MEIS2: variants seen among roughly 807,000 people sequenced by gnomAD.
MEIS2 encodes the protein homeobox protein Meis2.
MEIS2 carries 9 observed loss-of-function variants against 58.6 expected under a neutral mutation model. That is an observed-to-expected ratio of 0.15 (90% confidence interval 0.09 to 0.27). The LOEUF (loss-of-function observed/expected upper bound fraction) is 0.27, where lower values mean the gene tolerates loss of function less well. Ranked by LOEUF, MEIS2 falls within the 10% of genes least tolerant of loss-of-function variation. The pLI, the probability that MEIS2 is intolerant of heterozygous loss-of-function variation, is 1.00. For synonymous variants in MEIS2, 221 were observed against 228.4 expected, an observed-to-expected ratio of 0.97 and a Z score of 0.29; for missense variants, 427 against 635.0, an observed-to-expected ratio of 0.67 and a Z score of 3.52.
chr15:37,043,697 T>G (rs1447669968), intron 7 of MEIS2, among the ~76,000 whole-genome samples: 2 of 147,384 alleles, frequency 1.4e-5, no homozygotes, highest in Non-Finnish European at 3.0e-5. Context: ...TTTTTTTTTT[T>G]TTTTTGAGAT....
chr15:37,026,628 C>T (rs551590239), intron 8 of MEIS2, among the ~76,000 whole-genome samples: 12 of 151,972 alleles, frequency 7.9e-5, no homozygotes, highest in African/African-American at 1.9e-4. Context: ...GCAGATTTGG[C>T]GGGGGGAGAG....
At chr15:37,039,942 A>G (rs1239786849) in intron 7 of MEIS2, among the ~76,000 whole-genome samples, 2 of 152,232 alleles carry the variant, frequency 1.3e-5, no homozygotes, top group African/African-American at 4.8e-5. Flanking sequence ...ACAGAGAACT[A>G]ACAACAGCAT....
chr15:37,024,539 G>C (rs1328143403), intron 8 of MEIS2, among the ~76,000 whole-genome samples: 1 of 152,174 alleles, frequency 6.6e-6, no homozygotes. Context: ...TATACCTTTA[G>C]AAGCTTTCCT....
chr15:37,008,741 G>T (rs1033982056), intron 8 of MEIS2, among the ~76,000 whole-genome samples: 1 of 152,076 alleles, frequency 6.6e-6, no homozygotes, highest in Non-Finnish European at 1.5e-5. Flanking sequence ...TATTGATTTG[G>T]GGGGAAAAAG....
intron 9 of MEIS2, among the ~76,000 whole-genome samples, chr15:36,907,273 A>G (rs938784546): frequency 6.6e-6 from 1 of 152,198 alleles, no homozygotes; most frequent in Admixed American, 6.5e-5. Context: ...TCCTCCTTTC[A>G]AACCATATTT....
intron 9 of MEIS2, among the ~76,000 whole-genome samples, chr15:36,929,220 G>A (rs1376313976): frequency 6.6e-6 from 1 of 152,120 alleles, no homozygotes; most frequent in Admixed American, 6.6e-5. Flanking sequence ...ACTTACATGT[G>A]TCTCATTCTT....
chr15:37,075,584 A>C (rs1021217995), intron 7 of MEIS2, among the ~76,000 whole-genome samples: 3 of 152,136 alleles, frequency 2.0e-5, no homozygotes, highest in Non-Finnish European at 2.9e-5. Flanking sequence ...AGGAAAAAAG[A>C]AAAATCTGTG....
chr15:36,973,877 T>A (rs1222138445), intron 8 of MEIS2, among the ~76,000 whole-genome samples: 1 of 152,208 alleles, frequency 6.6e-6, no homozygotes, highest in African/African-American at 2.4e-5. Flanking sequence ...AAAATTAACC[T>A]TATGATATTT....
chr15:37,098,226 G>C, intron 1 of MEIS2, 27 bp from the exon 2 acceptor site: 1 of 1,561,250 alleles, frequency 6.4e-7, no homozygotes, highest in Non-Finnish European at 8.7e-7. Flanking sequence ...AGGGGGAGGG[G>C]GCGCAGGAGG....
chr15:36,941,288 T>C (rs1480833131), intron 9 of MEIS2, among the ~76,000 whole-genome samples: 1 of 152,200 alleles, frequency 6.6e-6, no homozygotes, highest in African/African-American at 2.4e-5. Flanking sequence ...TGCTAATTTC[T>C]ACAACCTTTA....
intron 9 of MEIS2, among the ~76,000 whole-genome samples, chr15:36,899,087 C>A (rs1415430673): frequency 6.6e-6 from 1 of 152,184 alleles, no homozygotes; most frequent in Non-Finnish European, 1.5e-5. Context: ...ACTTGGGCAC[C>A]ATTTAGCCTC....
intron 7 of MEIS2, 61 bp downstream of exon 7, chr15:37,083,709 TA>T: frequency 1.4e-6 from 2 of 1,412,246 alleles, no homozygotes; most frequent in Non-Finnish European, 2.0e-6. Context: ...ACTGATATCA[TA>T]AAATACTGAA....
intron 8 of MEIS2, among the ~76,000 whole-genome samples, chr15:36,982,539 C>T (rs923239584): frequency 1.3e-5 from 2 of 152,092 alleles, no homozygotes; most frequent in Non-Finnish European, 2.9e-5. Context: ...CAATCATTTT[C>T]TTTATTCATC....
chr15:37,035,984 T>C (rs144055716), intron 8 of MEIS2, among the ~76,000 whole-genome samples: 1 of 152,366 alleles, frequency 6.6e-6, no homozygotes, highest in East Asian at 1.9e-4. Flanking sequence ...AAGCAACCTC[T>C]GAAATTTTTA....
chr15:37,094,438 C>T (rs1276623673), intron 5 of MEIS2, 89 bp downstream of exon 5: 1 of 1,303,340 alleles, frequency 7.7e-7, no homozygotes, highest in Non-Finnish European at 1.1e-6. Flanking sequence ...TGCTCAATCC[C>T]TCACACTAGA....
rs767343702 is a variant in MEIS2, at chr15:36,895,233, T to C, written c.1065A>G (p.Gln355=). 2.5e-6 allele frequency: 4 copies of C among 1,614,056 alleles called. No individual in the cohort carries two copies. Among genetic ancestry groups the C allele is most frequent in the Admixed American group, 3.3e-5 (2 of 60,006 alleles). Residue 355 remains glutamine (Q), a synonymous_variant, in exon 11 of 12, where the codon CAA becomes CAG. Transcript: ENST00000561208. ...AGFLLDPSVS[Q]GAAYSPEGQP... ...GACCCTCTGGACTATATGCTGCTCC[T>C]TGGCTCACTGAAGGATCAAGAAGAA...
chr15:36,945,157 G>C (rs2058517324), intron 9 of MEIS2, among the ~76,000 whole-genome samples: 1 of 151,778 alleles, frequency 6.6e-6, no homozygotes, highest in South Asian at 2.1e-4. Flanking sequence ...CTTCAAATTG[G>C]GCTTGGAGAT....
At position 37,096,517 on chromosome 15, in the gene MEIS2, G is replaced by A. The variant is rs533583102; in HGVS notation, c.246-87C>T. On this transcript the variant is annotated intron_variant, in intron 2 of 11. Coordinates refer to ENST00000561208, the MANE Select transcript of MEIS2 (RefSeq NM_170675.5). ...AGAACTGTAATCAACAAGTTTGGAG[G>A]GTGTGGAGTCCTTCTTTAATACAAC... 2.7e-5 allele frequency: 41 copies of A among 1,498,068 alleles called. 1 individual carries two copies. The highest frequency in any genetic ancestry group is 3.6e-4 in the Middle Eastern group (2 of 5,624). 92.8% of individuals were successfully genotyped at this position (1,498,068 alleles called of 1,614,324 possible).
At chr15:36,938,540 G>A (rs999404141) in intron 9 of MEIS2, among the ~76,000 whole-genome samples, 2 of 152,048 alleles carry the variant, frequency 1.3e-5, no homozygotes, top group South Asian at 2.1e-4. Flanking sequence ...AGATAAAATC[G>A]GTTTCTTTTT....
Sources: allele counts gnomAD v4.1 joint callset (sites outside exome capture counted in the v4.1 genomes callset), GRCh38; gene constraint gnomAD v4.1.1; transcripts MANE v1.5; gene names NCBI Gene and HGNC (gene_info 2026-07-23, HGNC 2026-07-21).